Variants in PAX3 observed in about 807,000 individuals in gnomAD.
PAX3 encodes paired box 3.
Under a neutral mutation model 51.6 loss-of-function variants are expected in PAX3, and 14 were observed. The ratio of observed to expected loss-of-function variants is 0.27; its 90% CI spans 0.18 to 0.42. The LOEUF (loss-of-function observed/expected upper bound fraction) is 0.42. Ranked by LOEUF, PAX3 falls within the 10% of genes least tolerant of loss-of-function variation. PAX3 has a pLI of 1.00. For missense variants in PAX3, 540 were observed against 642.8 expected (o/e 0.84, Z 1.73); for synonymous variants, 280 against 253.4 (o/e 1.11, Z -1.00).
chr2:222,288,583 C>G (rs552496482), intron 4 of PAX3, among the ~76,000 whole-genome samples: 1 of 152,262 alleles, frequency 6.6e-6, no homozygotes, highest in Non-Finnish European at 1.5e-5. Flanking sequence ...GCTTGGAAGA[C>G]AATTTTAGGG....
rs766310182 is a variant in PAX3, at chr2:222,298,579, G to T, written c.37C>A (p.Arg13=). ...GGGTAGTTCTGCCCCGGGCCCGGCC[G>T]CATCATCCTGGGCACAGCGCCGGCC... The part of the protein sequence containing the change: ...TLAGAVPRMM[R]PGPGQNYPRS... Residue 13 remains arginine, a synonymous_variant, in exon 1 of 9, where the codon CGG becomes AGG. Transcript: ENST00000392070. The T allele has an allele frequency of 2.5e-6, 4 of 1,608,530 alleles. No individual in the cohort carries two copies. The highest frequency in any genetic ancestry group is 1.1e-5 in the South Asian group (1 of 90,110).
At chr2:222,237,154 G>A (rs1024771440) in intron 4 of PAX3, among the ~76,000 whole-genome samples, 4 of 152,114 alleles carry the variant, frequency 2.6e-5, no homozygotes, top group African/African-American at 7.2e-5. Context: ...CTAGGAATTA[G>A]ATACTTATCC....
At chr2:222,261,960 C>G (rs1240405559) in intron 4 of PAX3, among the ~76,000 whole-genome samples, 1 of 152,202 alleles carries the variant, frequency 6.6e-6, no homozygotes, top group Non-Finnish European at 1.5e-5. Context: ...CAAAGTAGAA[C>G]TTTCCCAGCA....
At chr2:222,267,612 T>C (rs1255776332) in intron 4 of PAX3, among the ~76,000 whole-genome samples, 2 of 152,194 alleles carry the variant, frequency 1.3e-5, no homozygotes, top group African/African-American at 4.8e-5. Context: ...TTATTATTAT[T>C]TGGGACATTT....
Position 222,201,193 on chromosome 2 carries a change from T to G in PAX3, c.*215A>C. ...TGTCTTTTATTGCTCCAGGTCTTCC[T>G]CTTCTCCACTGCTTTTGTCGAACGT... On this transcript the variant is annotated 3_prime_UTR_variant, in exon 9 of 9. Transcript: ENST00000392070. 6.2e-7 allele frequency: 1 copy of G among 1,614,106 alleles called. No individual in the cohort carries two copies. The highest frequency in any genetic ancestry group is 8.5e-7 in the Non-Finnish European group (1 of 1,180,004).
intron 7 of PAX3, among the ~76,000 whole-genome samples, chr2:222,213,931 A>C (rs1691851095): frequency 6.6e-6 from 1 of 152,188 alleles, no homozygotes; most frequent in Non-Finnish European, 1.5e-5. Flanking sequence ...GGTGAACCTT[A>C]TTGCTTTGAC....
intron 3 of PAX3, 67 bp downstream of exon 3, chr2:222,295,460 TG>T: frequency 6.4e-7 from 1 of 1,568,426 alleles, no homozygotes; most frequent in Non-Finnish European, 8.8e-7. Context: ...TGATTACGTC[TG>T]GGTCGACGTG....
At chr2:222,252,725 G>A (rs1292618394) in intron 4 of PAX3, among the ~76,000 whole-genome samples, 1 of 152,066 alleles carries the variant, frequency 6.6e-6, no homozygotes, top group Non-Finnish European at 1.5e-5. Flanking sequence ...TTTCCCATGA[G>A]GGCCCAGGTC....
At chr2:222,258,564 T>G (rs1389203958) in intron 4 of PAX3, among the ~76,000 whole-genome samples, 3 of 152,166 alleles carry the variant, frequency 2.0e-5, no homozygotes, top group Non-Finnish European at 4.4e-5. Flanking sequence ...AACTTTGACC[T>G]GTTGTTTGAT....
At chr2:222,220,967 T>C (rs1207055738) in intron 6 of PAX3, among the ~76,000 whole-genome samples, 4 of 152,192 alleles carry the variant, frequency 2.6e-5, no homozygotes, top group African/African-American at 9.6e-5. Flanking sequence ...GCAAATCCCA[T>C]GGTTATTTGG....
chr2:222,256,909 T>C (rs1241942378), intron 4 of PAX3, among the ~76,000 whole-genome samples: 7 of 152,204 alleles, frequency 4.6e-5, no homozygotes, highest in Non-Finnish European at 1.0e-4. Context: ...AAACTTTGCT[T>C]CCATTGTATC....
intron 4 of PAX3, among the ~76,000 whole-genome samples, chr2:222,243,112 A>G (rs16863563): frequency 0.029 from 4,455 of 152,340 alleles, 202 homozygotes; most frequent in African/African-American, 0.1. Context: ...TTTATCCACA[A>G]GGAAACTTTG....
chr2:222,283,487 C>A (rs1194991458), intron 4 of PAX3, among the ~76,000 whole-genome samples: 2 of 152,018 alleles, frequency 1.3e-5, no homozygotes, highest in African/African-American at 4.8e-5. Context: ...AGTGTTTTAC[C>A]CAGTCAAAAA....
chr2:222,284,753 C>T (rs1397639104), intron 4 of PAX3, among the ~76,000 whole-genome samples: 18 of 150,790 alleles, frequency 1.2e-4, no homozygotes, highest in African/African-American at 4.4e-4. Flanking sequence ...GAGATTATTT[C>T]CCCCCCGACC....
chr2:222,254,958 T>C (rs565442386), intron 4 of PAX3, among the ~76,000 whole-genome samples: 1 of 152,202 alleles, frequency 6.6e-6, no homozygotes, highest in Admixed American at 6.5e-5. Context: ...AATTTTTGTA[T>C]TTTTAGAAGA....
intron 4 of PAX3, among the ~76,000 whole-genome samples, chr2:222,232,642 C>T (rs535584447): frequency 1.3e-5 from 2 of 152,250 alleles, no homozygotes; most frequent in African/African-American, 4.8e-5. Flanking sequence ...CAGGGACAGG[C>T]CTTATTCCAT....
In PAX3 at chr2:222,220,231, T is replaced by G; in HGVS notation, c.1082A>C (p.His361Pro). ...SSAYCLPSTR[H>P]GFSSYTDSFV... ...GCTGTCTGTATAGCTGGAAAATCCA[T>G]GCCTGGTGCTGGGGAGGCAGTAGGC... The change falls in exon 7 of 9, where the codon CAT becomes CCT. Residue 361 changes from histidine to proline, a missense_variant. Transcript: ENST00000392070. The G allele has an allele frequency of 6.2e-7, 1 of 1,613,960 alleles. No individual in the cohort carries two copies. Among genetic ancestry groups the G allele is most frequent in the Non-Finnish European group, 8.5e-7 (1 of 1,179,960 alleles).
At chr2:222,234,455 A>G (rs1692724219) in intron 4 of PAX3, among the ~76,000 whole-genome samples, 2 of 152,240 alleles carry the variant, frequency 1.3e-5, no homozygotes, top group African/African-American at 2.4e-5. Context: ...TGCAACTTAT[A>G]TACATGTATG....
chr2:222,210,474 C>T (rs1469431053), intron 7 of PAX3, among the ~76,000 whole-genome samples: 2 of 152,030 alleles, frequency 1.3e-5, no homozygotes, highest in Non-Finnish European at 2.9e-5. Flanking sequence ...AAAATACATT[C>T]ATTCATGTCA....
Sources: gnomAD v4.1 joint callset for allele counts (sites outside exome capture counted in the v4.1 genomes callset) on GRCh38, gnomAD v4.1.1 for gene constraint, MANE v1.5 for transcripts, NCBI Gene and HGNC (gene_info 2026-07-23, HGNC 2026-07-21) for gene names.